MYO18B: variants seen among roughly 807,000 people sequenced by gnomAD.
The protein encoded by MYO18B is myosin XVIIIB, also known as unconventional myosin-XVIIIb.
In MYO18B, 204 loss-of-function variants were observed where a neutral mutation model predicts 273.0. That is an observed-to-expected ratio of 0.75 (90% CI 0.67 to 0.84). The LOEUF (loss-of-function observed/expected upper bound fraction) is 0.84. Ranked by LOEUF, MYO18B falls within the 40% of genes least tolerant of loss-of-function variation. The probability of loss-of-function intolerance (pLI) is 0.00; values close to 1 mark genes in which losing one functional copy is unlikely to be tolerated. For missense variants in MYO18B, 3,212 were observed against 3,287.6 expected, an observed-to-expected ratio of 0.98 and a Z score of 0.56; for synonymous variants, 1,330 against 1,305.7, an observed-to-expected ratio of 1.02 and a Z score of -0.40.
chr22:25,824,874 C>T (rs967969151), intron 13 of MYO18B, among the ~76,000 whole-genome samples: 2 of 151,846 alleles, frequency 1.3e-5, no homozygotes, highest in Non-Finnish European at 1.5e-5. Flanking sequence ...CACACATATG[C>T]ACAGCACAAC....
At chr22:25,926,984 T>G (rs1175772509) in intron 34 of MYO18B, among the ~76,000 whole-genome samples, 3 of 152,222 alleles carry the variant, frequency 2.0e-5, no homozygotes, top group African/African-American at 4.8e-5. Context: ...CATGGACACT[T>G]AACACTTCCC....
At chr22:26,020,163 C>T (rs1243729875) in intron 42 of MYO18B, among the ~76,000 whole-genome samples, 3 of 152,060 alleles carry the variant, frequency 2.0e-5, no homozygotes, top group African/African-American at 7.2e-5. Flanking sequence ...TGGGATGATG[C>T]CTCTGATTTT....
At chr22:26,031,099 A>C, downstream of MYO18B, 1 of 395,788 alleles carries the variant, frequency 2.5e-6, no homozygotes, top group Non-Finnish European at 4.4e-6. Context: ...CCACATCAAC[A>C]TTCAAGAACC....
At chr22:25,967,845 G>C (rs9613053) in intron 39 of MYO18B, among the ~76,000 whole-genome samples, 1 of 152,174 alleles carries the variant, frequency 6.6e-6, no homozygotes, top group East Asian at 1.9e-4. Context: ...CTGTTTGCCA[G>C]AGCTGACTGT....
chr22:25,786,632 G>A (rs1389806435), intron 11 of MYO18B, among the ~76,000 whole-genome samples: 1 of 152,130 alleles, frequency 6.6e-6, no homozygotes, highest in Non-Finnish European at 1.5e-5. Flanking sequence ...GCTGGGCAAA[G>A]ATTTCTTAAA....
chr22:25,815,979 G>A (rs1348673236), intron 12 of MYO18B, among the ~76,000 whole-genome samples: 1 of 152,142 alleles, frequency 6.6e-6, no homozygotes. Context: ...ATGGCACATC[G>A]GCCAGGCCTT....
chr22:25,915,428 T>C (rs1480139730), intron 33 of MYO18B, among the ~76,000 whole-genome samples: 2 of 152,180 alleles, frequency 1.3e-5, no homozygotes, highest in African/African-American at 4.8e-5. Flanking sequence ...GGGAGGCAAT[T>C]GTGACACAGT....
chr22:25,976,293 T>G (rs2093088746), intron 39 of MYO18B, among the ~76,000 whole-genome samples: 1 of 152,154 alleles, frequency 6.6e-6, no homozygotes, highest in Non-Finnish European at 1.5e-5. Flanking sequence ...GAAATAAAAA[T>G]CCACCCAGAA....
chr22:25,769,267 A>T lies in MYO18B; in HGVS notation c.1351A>T (p.Arg451Ter). 6.3e-7 allele frequency: 1 copy of T among 1,590,474 alleles called. No individual in the cohort carries two copies. The highest frequency in any genetic ancestry group is 8.6e-7 in the Non-Finnish European group (1 of 1,168,866). The change falls in exon 4 of 44, where the codon AGA becomes TGA. Residue 451 changes from arginine (R) to a stop codon, truncating the protein, a stop_gained. Coordinates refer to ENST00000335473, the MANE Select transcript of MYO18B (RefSeq NM_032608.7). LOFTEE classifies it high-confidence loss of function. ...RGQEAEEPCS[R>*]AGDGAGALET... The stretch of plus-strand genomic sequence containing the variant: ...GCAGGAAGCAGAGGAGCCCTGCTCA[A>T]GAGCAGGTGATGGGGCTGGTGCCCT...
the MYO18B span, among the ~76,000 whole-genome samples, chr22:26,039,205 T>C: frequency 6.6e-6 from 1 of 152,168 alleles, no homozygotes; most frequent in Non-Finnish European, 1.5e-5. Flanking sequence ...GTCCACTGAC[T>C]CAAATGTTAA....
At chr22:26,046,077 A>G in the MYO18B span, among the ~76,000 whole-genome samples, 258 of 152,354 alleles carry the variant, frequency 1.7e-3, 2 homozygotes, top group African/African-American at 6.0e-3. Context: ...ATTTCCATTT[A>G]ATAGTATCTG....
Position 25,902,710 on chromosome 22 carries a change from C to T in MYO18B, c.4921C>T (p.Leu1641=). The change falls in exon 30 of 44, where the codon CTA becomes TTA. Residue 1641 remains leucine, a synonymous_variant. Transcript: ENST00000335473. ...TQENTSVRWE[L]GQLQQQLKQK... ...GGAGAACACCAGTGTCCGGTGGGAG[C>T]TAGGCCAGCTTCAGCAGCAGCTGAA... The T allele has an allele frequency of 3.1e-6, 5 of 1,588,366 alleles. No homozygotes were observed. In the South Asian group the frequency reaches 5.8e-5, roughly 18 times the overall value.
Position 25,876,279 on chromosome 22 carries a change from C to T in MYO18B, c.4171C>T (p.Leu1391Phe), listed in dbSNP as rs1203882190. The T allele has an allele frequency of 1.2e-6, 2 of 1,613,458 alleles. No individual in the cohort carries two copies. Among genetic ancestry groups the T allele is most frequent in the South Asian group, 2.2e-5 (2 of 90,942 alleles). ...GCCATGGTGGCAGCTGCTTGGTTCCCTCCAGCCTCTACTTAGTGCCACCAT... is the reference window on the plus strand; with the variant it reads ...GCCATGGTGGCAGCTGCTTGGTTCCTTCCAGCCTCTACTTAGTGCCACCAT... ...DWPWWQLLGSLQPLLSATIGT... is the reference protein window; with the variant it reads ...DWPWWQLLGSFQPLLSATIGT... The change falls in exon 24 of 44, where the codon CTC becomes TTC. Residue 1391 changes from leucine to phenylalanine, a missense_variant. Transcript: ENST00000335473.
At chr22:25,966,670 G>T (rs185621684) in intron 39 of MYO18B, among the ~76,000 whole-genome samples, 83 of 152,296 alleles carry the variant, frequency 5.4e-4, no homozygotes, top group African/African-American at 1.9e-3. Flanking sequence ...CATGCTCAGA[G>T]AGCTGACAGG....
At chr22:25,770,247 T>C (rs1300057673) in intron 5 of MYO18B, 71 bp downstream of exon 5, 21 of 1,475,156 alleles carry the variant, frequency 1.4e-5, no homozygotes, top group Non-Finnish European at 2.0e-5. Flanking sequence ...GCCAGCCATA[T>C]GTTCCAGGTC....
At position 25,769,295 on chromosome 22, in the gene MYO18B, A is replaced by G; in HGVS notation, c.1379A>G (p.Glu460Gly). 1 of 1,582,366 alleles carries G rather than the reference A, an allele frequency of 6.3e-7. No individual in the cohort carries two copies. Among genetic ancestry groups the G allele is most frequent in the Non-Finnish European group, 8.6e-7 (1 of 1,164,756 alleles). ...GCAGGTGATGGGGCTGGTGCCCTGG[A>G]GACAGAGCTGGAAGGACCCAGCCAG... ...SRAGDGAGAL[E>G]TELEGPSQPA... Residue 460 changes from glutamate to glycine, a missense_variant, in exon 4 of 44, where the codon GAG becomes GGG. Coordinates refer to ENST00000335473, the MANE Select transcript of MYO18B (RefSeq NM_032608.7).
At chr22:25,930,463 A>G (rs547351376) in intron 34 of MYO18B, among the ~76,000 whole-genome samples, 13 of 150,670 alleles carry the variant, frequency 8.6e-5, no homozygotes, top group African/African-American at 1.2e-4. Context: ...CATGCCACCA[A>G]TGCCTCCTGT....
intron 18 of MYO18B, among the ~76,000 whole-genome samples, chr22:25,844,981 G>A: frequency 6.6e-6 from 1 of 152,194 alleles, no homozygotes; most frequent in Admixed American, 6.5e-5. Flanking sequence ...AAGACTCAGC[G>A]GCTGTAGCCC....
intron 3 of MYO18B, among the ~76,000 whole-genome samples, chr22:25,767,740 T>G (rs1477068243): frequency 6.6e-6 from 1 of 152,204 alleles, no homozygotes; most frequent in Admixed American, 6.5e-5. Context: ...TTTCTACATA[T>G]TGTCACACAT....
Sources: gnomAD v4.1 joint callset for allele counts (sites outside exome capture counted in the v4.1 genomes callset) on GRCh38, gnomAD v4.1.1 for gene constraint, MANE v1.5 for transcripts, NCBI Gene and HGNC (gene_info 2026-07-23, HGNC 2026-07-21) for gene names.